NDRG4: variants seen among roughly 807,000 people sequenced by gnomAD.
NDRG4 encodes the protein protein NDRG4.
NDRG4 carries 38 observed loss-of-function variants against 55.8 expected under a neutral mutation model. The observed-to-expected ratio is 0.68, with a 90% CI of 0.53 to 0.89. The LOEUF (loss-of-function observed/expected upper bound fraction) is 0.89, where lower values mean the gene tolerates loss of function less well. Among genes scored for constraint, NDRG4 ranks in the 40% least tolerant of loss-of-function variants. NDRG4 has a pLI of 0.00. For missense variants in NDRG4, 455 were observed against 468.6 expected (o/e 0.97, Z 0.27); for synonymous variants, 190 against 182.7 (o/e 1.04, Z -0.32).
At chr16:58,484,617 A>G (rs1440769070) in intron 1 of NDRG4, among the ~76,000 whole-genome samples, 1 of 152,214 alleles carries the variant, frequency 6.6e-6, no homozygotes, top group Non-Finnish European at 1.5e-5. Flanking sequence ...GCCCAGGCCC[A>G]GGTCCCTGCA....
Position 58,513,026 on chromosome 16 carries a change from C to T in NDRG4, c.*1450C>T, listed in dbSNP as rs2151866366. 6.5e-6 allele frequency: 1 copy of T among 152,804 alleles called. No homozygotes were observed. The highest frequency in any genetic ancestry group is 3.4e-3 in the Middle Eastern group (1 of 296). 9.5% of individuals were successfully genotyped at this position (152,804 alleles called of 1,614,324 possible). On this transcript the variant is annotated 3_prime_UTR_variant, in exon 15 of 15. Coordinates refer to ENST00000570248, the MANE Select transcript of NDRG4 (RefSeq NM_001242835.2). ...GTGTTAGTTTCTGCCCAGTTCTACC[C>T]CCTCATGTGCTTCTTCTGAATACTG... is the stretch of plus-strand genomic sequence containing the variant.
chr16:58,471,383 A>G (rs894214503), intron 1 of NDRG4, among the ~76,000 whole-genome samples: 1 of 152,004 alleles, frequency 6.6e-6, no homozygotes, highest in Non-Finnish European at 1.5e-5. Context: ...CACTGAGAAC[A>G]GCACGGTGGG....
chr16:58,507,950 G>A lies in NDRG4; in HGVS notation c.680G>A (p.Cys227Tyr), dbSNP rs754171263. 2 of 1,606,102 alleles carry A rather than the reference G, an allele frequency of 1.2e-6. No individual in the cohort carries two copies. The highest frequency in any genetic ancestry group is 1.7e-6 in the Non-Finnish European group (2 of 1,174,426). Residue 227 changes from cysteine to tyrosine, a missense_variant and splice_region_variant, in exon 10 of 15, where the codon TGC (cysteine) becomes TAC (tyrosine). Physicochemically the swap from Cys to Tyr is radical, Grantham distance 194 (BLOSUM62 -2). Transcript: ENST00000570248. ...GTVPNAKTLR[C>Y]PVMLVVGDNA... ...GCCCTTTTCCTCTGTATCTGCAGCT[G>A]CCCCGTGATGCTGGTGGTTGGGGAT...
intron 1 of NDRG4, among the ~76,000 whole-genome samples, chr16:58,476,682 T>C (rs545295011): frequency 2.0e-5 from 3 of 152,274 alleles, no homozygotes; most frequent in African/African-American, 7.2e-5. Context: ...TAGAGCATCC[T>C]TGATGCTGGA....
At chr16:58,482,679 T>TCCTCCCTCCCTTCCTC (rs2034563572) in intron 1 of NDRG4, among the ~76,000 whole-genome samples, 2 of 126,718 alleles carry the variant, frequency 1.6e-5, no homozygotes, top group Admixed American at 7.5e-5. Flanking sequence ...CTCCCTTCCT[T>TCCTCCCTCCCTTCCTC]CCTCCCTCCC....
At chr16:58,481,945 C>T (rs946274722) in intron 1 of NDRG4, among the ~76,000 whole-genome samples, 1 of 152,120 alleles carries the variant, frequency 6.6e-6, no homozygotes, top group Non-Finnish European at 1.5e-5. Context: ...TCCGGGGTCC[C>T]AGATTTCTGG....
At chr16:58,505,785 G>GAT (rs746433504) in intron 5 of NDRG4, among the ~76,000 whole-genome samples, 41 of 119,556 alleles carry the variant, frequency 3.4e-4, no homozygotes, top group Non-Finnish European at 5.3e-4. Flanking sequence ...GCAGTGGCAT[G>GAT]ATCTCGGCCC....
At position 58,511,450 on chromosome 16, in the gene NDRG4, A is replaced by G. The variant is rs2038793380; in HGVS notation, c.933A>G (p.Ala311=). 1 of 1,610,000 alleles carries G rather than the reference A, an allele frequency of 6.2e-7. No homozygotes were observed. The highest frequency in any genetic ancestry group is 1.3e-5 in the African/African-American group (1 of 74,820). Residue 311 remains alanine (A), a synonymous_variant, in exon 15 of 15, where the codon GCA becomes GCG. Coordinates refer to ENST00000570248, the MANE Select transcript of NDRG4 (RefSeq NM_001242835.2). Reference sequence around the variant, plus strand: ...CCTCAGCCAGCATGACCCGCCTGGCACGCTCCCGCACTGCATCCCTCACCA... The same window carrying G: ...CCTCAGCCAGCATGACCCGCCTGGCGCGCTCCCGCACTGCATCCCTCACCA... ...AVPSASMTRL[A]RSRTASLTSA...
At chr16:58,473,641 C>T (rs1229868300) in intron 1 of NDRG4, among the ~76,000 whole-genome samples, 1 of 152,166 alleles carries the variant, frequency 6.6e-6, no homozygotes, top group Non-Finnish European at 1.5e-5. Flanking sequence ...CCTCTCCTGC[C>T]CATGTCTGAT....
chr16:58,477,600 G>A (rs1368965254), intron 1 of NDRG4, among the ~76,000 whole-genome samples: 3 of 151,760 alleles, frequency 2.0e-5, no homozygotes, highest in African/African-American at 7.3e-5. Flanking sequence ...GGAGGAAAAA[G>A]GACAACTCTT....
intron 1 of NDRG4, among the ~76,000 whole-genome samples, chr16:58,482,983 G>A (rs1022593886): frequency 9.9e-5 from 15 of 151,862 alleles, no homozygotes; most frequent in Non-Finnish European, 7.4e-5. Context: ...ACAGGGTTTC[G>A]CCATGTTGGC....
chr16:58,479,891 A>T (rs555001384), intron 1 of NDRG4, among the ~76,000 whole-genome samples: 1 of 152,282 alleles, frequency 6.6e-6, no homozygotes, highest in South Asian at 2.1e-4. Flanking sequence ...TCTTCTCTGA[A>T]TTCCTATTCC....
At chr16:58,488,000 G>A (rs2035317346) in intron 2 of NDRG4, 5 of 555,718 alleles carry the variant, frequency 9.0e-6, no homozygotes, top group African/African-American at 3.9e-5. Context: ...AGTTCCGGCA[G>A]GCCTGAGTGC....
chr16:58,501,104 A>C (rs556995647), intron 1 of NDRG4: 1,242 of 1,224,394 alleles, frequency 1.0e-3, no homozygotes, highest in Non-Finnish European at 1.2e-3. Flanking sequence ...CTTCCTCAGG[A>C]GGGAGAGGCA....
intron 10 of NDRG4, 76 bp from the exon 11 acceptor site, chr16:58,508,885 TG>T (rs2038399613): frequency 1.3e-6 from 2 of 1,531,564 alleles, no homozygotes; most frequent in African/African-American, 1.4e-5. Context: ...TCCCCGAGCT[TG>T]GGGCATCAAA....
At chr16:58,487,785 G>T (rs759429725) in exon 2 of NDRG4, 22 of 1,543,632 alleles carry the variant, frequency 1.4e-5, no homozygotes, top group Non-Finnish European at 1.8e-5. Flanking sequence ...GACCATGGCC[G>T]GGCTGCAGGA....
intron 1 of NDRG4, chr16:58,487,609 C>T: frequency 1.9e-6 from 1 of 536,522 alleles, no homozygotes. Context: ...GGCCTGGGGG[C>T]CCTAAGTGCC....
chr16:58,503,775 C>G (rs1164626839), intron 1 of NDRG4, 23 bp from the exon 2 acceptor site: 1 of 1,613,580 alleles, frequency 6.2e-7, no homozygotes, highest in Non-Finnish European at 8.5e-7. Flanking sequence ...CCCAGAGTGT[C>G]CAGCACGGTC....
intron 8 of NDRG4, 43 bp downstream of exon 8, chr16:58,507,058 T>G: frequency 6.7e-7 from 1 of 1,492,182 alleles, no homozygotes; most frequent in Non-Finnish European, 9.3e-7. Flanking sequence ...CACACCCCAG[T>G]GGGGGCCCTT....
Sources: gnomAD v4.1 joint callset for allele counts (sites outside exome capture counted in the v4.1 genomes callset) on GRCh38, gnomAD v4.1.1 for gene constraint, MANE v1.5 for transcripts, NCBI Gene and HGNC (gene_info 2026-07-23, HGNC 2026-07-21) for gene names.